Variants in CYP2B6 observed in about 807,000 individuals in gnomAD.
CYP2B6 encodes cytochrome P450 family 2 subfamily B member 6, also known as cytochrome P450 2B6.
A neutral mutation model predicts 43.4 loss-of-function variants in CYP2B6; 35 were observed. The ratio of observed to expected loss-of-function variants is 0.81; its 90% CI spans 0.62 to 1.07. The LOEUF is 1.07. Ranked by LOEUF, CYP2B6 falls within the 50% of genes least tolerant of loss-of-function variation. The probability of loss-of-function intolerance (pLI) is 0.00; values close to 1 mark genes in which losing one functional copy is unlikely to be tolerated. For synonymous variants in CYP2B6, 239 were observed against 239.2 expected (o/e 1.00, Z 0.01); for missense variants, 624 against 632.8 (o/e 0.99, Z 0.15).
chr19:40,997,916 C>A (rs1969021150), intron 1 of CYP2B6, among the ~76,000 whole-genome samples: 3 of 151,888 alleles, frequency 2.0e-5, no homozygotes, highest in Non-Finnish European at 4.4e-5. Context: ...CCTGGGCAAC[C>A]AAACAAGACC....
Position 41,009,471 on chromosome 19 carries a change from G to C in CYP2B6, c.822+76G>C, listed in dbSNP as rs34155858. ...GAGAGGTGAGAAGAGGGAGGGAAAA[G>C]GGGTAGGGAAGGGGAAGATGGGGAG... On this transcript the variant is annotated intron_variant, in intron 5 of 8. Transcript: ENST00000324071. The C allele has an allele frequency of 6.4e-4, 866 of 1,352,412 alleles. 10 individuals are homozygous for C. The East Asian group carries it at 0.025, about 38-fold the overall frequency. 83.8% of individuals were successfully genotyped at this position (1,352,412 alleles called of 1,614,324 possible).
chr19:40,991,337 T>G lies in CYP2B6; in HGVS notation c.32T>G (p.Leu11Arg). The G allele has an allele frequency of 6.2e-7, 1 of 1,614,018 alleles. No individual in the cohort carries two copies. The highest frequency in any genetic ancestry group is 1.3e-5 in the African/African-American group (1 of 74,924). MELSVLLFLALLTGLLLLLVQ... is the reference protein window; with the variant it reads MELSVLLFLARLTGLLLLLVQ... ...CTCAGCGTCCTCCTCTTCCTTGCAC[T>G]CCTCACAGGACTCTTGCTACTCCTG... Residue 11 changes from leucine (L) to arginine (R), a missense_variant, in exon 1 of 9, where the codon CTC (leucine) becomes CGC (arginine). Transcript: ENST00000324071.
At chr19:41,013,950 T>A (rs1444252650) in intron 8 of CYP2B6, among the ~76,000 whole-genome samples, 2 of 152,220 alleles carry the variant, frequency 1.3e-5, no homozygotes, top group Non-Finnish European at 2.9e-5. Context: ...TCTGGGCAGC[T>A]TGTAGCCTGT....
intron 6 of CYP2B6, 125 bp downstream of exon 6, chr19:41,010,260 T>G: frequency 8.3e-7 from 1 of 1,210,170 alleles, no homozygotes; most frequent in Non-Finnish European, 1.2e-6. Flanking sequence ...CACTGTAGGC[T>G]CTGGGCTAGA....
chr19:41,011,193 C>T (rs1371815992), intron 6 of CYP2B6, among the ~76,000 whole-genome samples: 1 of 152,182 alleles, frequency 6.6e-6, no homozygotes, highest in African/African-American at 2.4e-5. Flanking sequence ...ATGAGTCAAC[C>T]TTTCAATTCA....
chr19:41,015,250 G>A (rs761753285), intron 8 of CYP2B6, among the ~76,000 whole-genome samples: 23 of 152,192 alleles, frequency 1.5e-4, no homozygotes, highest in Non-Finnish European at 2.4e-4. Context: ...TGGGGAGGGC[G>A]TGATGAGAGG....
intron 6 of CYP2B6, among the ~76,000 whole-genome samples, chr19:41,011,733 G>C (rs566809149): frequency 1.3e-5 from 2 of 151,534 alleles, no homozygotes; most frequent in Admixed American, 6.6e-5. Flanking sequence ...CAAAATCGTG[G>C]TGTGTGTGTG....
In CYP2B6 at chr19:41,008,354, G is replaced by A. The variant is rs1029652391; in HGVS notation, c.646-865G>A. Among the ~76,000 whole-genome samples, 91 of 144,810 alleles carry A rather than the reference G, an allele frequency of 6.3e-4. 1 individual carries two copies. The South Asian group carries it at 0.021, about 33-fold the overall frequency. ...AGCCTCCCGAGCAGCCGGGACTATA[G>A]GCGAGCGCCACCACACCCAGCTAAT... On this transcript the variant is annotated intron_variant, in intron 4 of 8. Coordinates refer to ENST00000324071, the MANE Select transcript of CYP2B6 (RefSeq NM_000767.5).
At chr19:40,992,346 G>A (rs1019005457) in intron 1 of CYP2B6, among the ~76,000 whole-genome samples, 9 of 151,960 alleles carry the variant, frequency 5.9e-5, no homozygotes, top group African/African-American at 2.2e-4. Flanking sequence ...AAAACCTTGG[G>A]CATCAACATT....
Position 41,004,083 on chromosome 19 carries a change from G to A in CYP2B6, c.254G>A (p.Arg85Gln), listed in dbSNP as rs572134005. ...ATGCTGTGTGGAGTAGAGGCCATAC[G>A]GGAGGCCCTTGTGGACAAGGCTGAG... ...VVMLCGVEAI[R>Q]EALVDKAEAF... is the part of the protein sequence containing the mutation. The change falls in exon 2 of 9, where the codon CGG becomes CAG. Residue 85 changes from arginine (R) to glutamine (Q), a missense_variant. Physicochemically the swap from Arg to Gln is conservative, Grantham distance 43. Coordinates refer to ENST00000324071, the MANE Select transcript of CYP2B6 (RefSeq NM_000767.5). 4.3e-6 allele frequency: 7 copies of A among 1,613,884 alleles called. No homozygotes were observed. Among genetic ancestry groups the A allele is most frequent in the East Asian group, 2.2e-5 (1 of 44,858 alleles).
intron 1 of CYP2B6, among the ~76,000 whole-genome samples, chr19:40,996,584 T>A (rs1969003067): frequency 6.6e-6 from 1 of 152,166 alleles, no homozygotes; most frequent in Non-Finnish European, 1.5e-5. Context: ...ATTATGGATT[T>A]GATAAACCAA....
chr19:40,992,852 G>C (rs528745412), intron 1 of CYP2B6, among the ~76,000 whole-genome samples: 1 of 152,150 alleles, frequency 6.6e-6, no homozygotes, highest in South Asian at 2.1e-4. Context: ...ACATCAGGGA[G>C]ACTGTTATGA....
intron 1 of CYP2B6, among the ~76,000 whole-genome samples, chr19:41,000,470 A>G (rs373226899): frequency 6.6e-6 from 1 of 152,168 alleles, no homozygotes; most frequent in Non-Finnish European, 1.5e-5. Context: ...CAGGGCCTAC[A>G]AAGTGCTGCC....
intron 1 of CYP2B6, 53 bp downstream of exon 1, chr19:40,991,529 T>C: frequency 6.3e-7 from 1 of 1,598,102 alleles, no homozygotes; most frequent in South Asian, 1.1e-5. Context: ...GCCTTGGTAC[T>C]TGGGGAAGCT....
chr19:41,004,919 C>T (rs546077890), intron 3 of CYP2B6, among the ~76,000 whole-genome samples: 7 of 152,056 alleles, frequency 4.6e-5, no homozygotes, highest in African/African-American at 1.7e-4. Flanking sequence ...ATCACTTGAG[C>T]CCAGGAGGTT....
intron 5 of CYP2B6, chr19:41,009,633 G>C (rs1484144339): frequency 1.8e-5 from 11 of 620,500 alleles, no homozygotes; most frequent in Non-Finnish European, 3.1e-5. Context: ...TGGGAAGACA[G>C]AATGAAAGAC....
chr19:41,004,538 G>A (rs1969147972), intron 3 of CYP2B6, 92 bp downstream of exon 3: 1 of 1,464,854 alleles, frequency 6.8e-7, no homozygotes, highest in East Asian at 2.4e-5. Context: ...GTATATAAGG[G>A]CACAGACAGA....
intron 1 of CYP2B6, among the ~76,000 whole-genome samples, chr19:40,999,097 A>C (rs953363522): frequency 1.3e-5 from 2 of 149,854 alleles, no homozygotes; most frequent in Non-Finnish European, 3.0e-5. Flanking sequence ...TTGTTTCCTG[A>C]CTTTTTAATG....
intron 8 of CYP2B6, 193 bp downstream of exon 8, chr19:41,013,008 C>T (rs1343988599): frequency 4.4e-6 from 3 of 686,214 alleles, no homozygotes; most frequent in Non-Finnish European, 7.6e-6. Context: ...CCCAAAGGCA[C>T]ATCTTGGCAA....
Sources: allele counts gnomAD v4.1 joint callset (sites outside exome capture counted in the v4.1 genomes callset), GRCh38; gene constraint gnomAD v4.1.1; transcripts MANE v1.5; gene names NCBI Gene and HGNC (gene_info 2026-07-23, HGNC 2026-07-21).